The following CDK2AP1 variants were observed in gnomAD, a reference collection of about 807,000 sequenced individuals.
CDK2AP1 encodes the protein cyclin-dependent kinase 2-associated protein 1.
Under a neutral mutation model 14.1 loss-of-function variants are expected in CDK2AP1, and 10 were observed. The ratio of observed to expected loss-of-function variants is 0.71; its 90% CI spans 0.44 to 1.20. The LOEUF (loss-of-function observed/expected upper bound fraction) is 1.20. Ranked by LOEUF, CDK2AP1 falls within the 50% of genes most tolerant of loss-of-function variation. CDK2AP1 has a pLI of 0.00. For missense variants in CDK2AP1, 102 were observed against 149.9 expected (o/e 0.68, Z 1.67); for synonymous variants, 59 against 59.8 (o/e 0.99, Z 0.06).
At chr12:123,268,831 A>C (rs1169360558) in intron 1 of CDK2AP1, among the ~76,000 whole-genome samples, 1 of 152,180 alleles carries the variant, frequency 6.6e-6, no homozygotes, top group African/African-American at 2.4e-5. Context: ...TAACTACATC[A>C]GCCAAACCCC....
chr12:123,267,212 G>T lies in CDK2AP1; in HGVS notation c.126C>A (p.Tyr42Ter). 6.2e-7 allele frequency: 1 copy of T among 1,611,148 alleles called. No individual in the cohort carries two copies. Among genetic ancestry groups the T allele is most frequent in the Non-Finnish European group, 8.5e-7 (1 of 1,177,430 alleles). ...GGGTGTAGCCTAGGGACGGTGGCCC[G>T]TAGTCACTGAGCAGCTGGCGGTACT... The part of the protein sequence containing the change: ...SSQYRQLLSD[Y>*]GPPSLGYTQG... Residue 42 changes from tyrosine to a stop codon, truncating the protein, a stop_gained, in exon 2 of 4, where the codon TAC becomes TAA. Coordinates refer to ENST00000261692, the MANE Select transcript of CDK2AP1 (RefSeq NM_004642.4). LOFTEE classifies it high-confidence loss of function.
intron 1 of CDK2AP1, chr12:123,270,357 T>C (rs2048343367): frequency 5.9e-6 from 1 of 170,280 alleles, no homozygotes; most frequent in East Asian, 1.9e-4. Flanking sequence ...TCCAAGATTT[T>C]TTTTAGGTAT....
chr12:123,266,195 T>C (rs1282055376), intron 2 of CDK2AP1, among the ~76,000 whole-genome samples: 1 of 152,202 alleles, frequency 6.6e-6, no homozygotes, highest in Non-Finnish European at 1.5e-5. Flanking sequence ...CCTCGCGCTC[T>C]GTCCTGTCCT....
chr12:123,270,856 G>A (rs531081876), intron 1 of CDK2AP1: 46 of 985,168 alleles, frequency 4.7e-5, no homozygotes, highest in African/African-American at 4.5e-4. Flanking sequence ...CAGCCCCAGA[G>A]CTGCGCCAAC....
chr12:123,261,637 T>C lies in CDK2AP1; in HGVS notation c.*99A>G. 4 of 1,003,192 alleles carry C rather than the reference T, an allele frequency of 4.0e-6. No individual in the cohort carries two copies. The highest frequency in any genetic ancestry group is 6.3e-6 in the Non-Finnish European group (4 of 637,864). The allele number at this position is 1,003,192 out of a possible 1,614,324, so 62.1% of individuals were successfully genotyped here. On this transcript the variant is annotated 3_prime_UTR_variant, in exon 4 of 4. Coordinates refer to ENST00000261692, the MANE Select transcript of CDK2AP1 (RefSeq NM_004642.4). ...AACCATGGGAGGAAAAACGAAACTGTAACCATTTTGAAAACAAGGGTTTCA... is the reference window on the plus strand; with the variant it reads ...AACCATGGGAGGAAAAACGAAACTGCAACCATTTTGAAAACAAGGGTTTCA...
At chr12:123,268,816 C>A (rs986306479) in intron 1 of CDK2AP1, among the ~76,000 whole-genome samples, 2 of 152,202 alleles carry the variant, frequency 1.3e-5, no homozygotes, top group Non-Finnish European at 2.9e-5. Context: ...TCCCCCAGAG[C>A]CCCCTAACTA....
chr12:123,271,541 C>T, intron 1 of CDK2AP1, 23 bp downstream of exon 1: 1 of 996,394 alleles, frequency 1.0e-6, no homozygotes, highest in East Asian at 1.1e-4. Context: ...GCGCTTGGGG[C>T]GCGTCGCACG....
rs1715088101 is a variant in CDK2AP1 at position 123,271,639 on chromosome 12, CCGGGCGCGG to C, written c.-30_-22del. The C allele has an allele frequency of 7.2e-6, 7 of 974,358 alleles. No homozygotes were observed. The highest frequency in any genetic ancestry group is 8.5e-6 in the Non-Finnish European group (7 of 821,912). 60.4% of individuals were successfully genotyped at this position (974,358 alleles called of 1,614,324 possible). A position where few individuals can be genotyped will look rare whatever the true frequency, so the allele number is the denominator to read the frequency against. ...GACATCCCCCCGGGCGGCGGGCGCG[CCGGGCGCGG>C]CGGGGCCAGGCCGCGAGGGCGGCGG... On this transcript the variant is annotated 5_prime_UTR_variant, in exon 1 of 4. Transcript: ENST00000261692.
At chr12:123,270,792 C>T (rs2048346860) in intron 1 of CDK2AP1, 3 of 977,228 alleles carry the variant, frequency 3.1e-6, no homozygotes, top group South Asian at 9.5e-5. Flanking sequence ...TTGGGGGCTC[C>T]CAGATGGGGC....
intron 1 of CDK2AP1, chr12:123,271,093 T>TCCTGGCCCTGCCCGCAGCGCCC: frequency 2.2e-6 from 2 of 891,360 alleles, no homozygotes; most frequent in Non-Finnish European, 2.7e-6. Flanking sequence ...CCCGCGCGGG[T>TCCTGGCCCTGCCCGCAGCGCCC]CCTGGCCCTG....
chr12:123,265,570 C>T lies in CDK2AP1; in HGVS notation c.154-248G>A, dbSNP rs1483396249. The stretch of plus-strand genomic sequence containing the variant: ...GCCACAGGCAGGTGGGTGGAGAGGG[C>T]CCCGGGCCGGTCAGGATAGGGAACG... On this transcript the variant is annotated intron_variant, in intron 2 of 3. Transcript: ENST00000261692. The surrounding 1 kb of genome is among the most constrained non-coding windows in gnomAD (Gnocchi z 5.3). Among the ~76,000 whole-genome samples the T allele has an allele frequency of 6.6e-6, 1 of 151,800 alleles. No individual in the cohort carries two copies. The highest frequency in any genetic ancestry group is 2.4e-5 in the African/African-American group (1 of 41,290).
At chr12:123,269,612 C>T (rs915450866) in intron 1 of CDK2AP1, among the ~76,000 whole-genome samples, 1 of 152,174 alleles carries the variant, frequency 6.6e-6, no homozygotes, top group Non-Finnish European at 1.5e-5. Flanking sequence ...TCCCCACCCC[C>T]ACGCCAGACA....
chr12:123,261,681 A>ACTGTAAC lies in CDK2AP1; in HGVS notation c.*48_*54dup. 1 of 1,421,946 alleles carries ACTGTAAC rather than the reference A, an allele frequency of 7.0e-7. No individual in the cohort carries two copies. The highest frequency in any genetic ancestry group is 1.1e-5 in the South Asian group (1 of 87,232). The allele number at this position is 1,421,946 out of a possible 1,614,324, so 88.1% of individuals were successfully genotyped here. On this transcript the variant is annotated 3_prime_UTR_variant, in exon 4 of 4. Coordinates refer to ENST00000261692, the MANE Select transcript of CDK2AP1 (RefSeq NM_004642.4). ...GGTTTCATCTGAACAGGGGAGATGA[A>ACTGTAAC]CTGTAACTTCTCATCTTGTAAAAAG...
intron 2 of CDK2AP1, among the ~76,000 whole-genome samples, chr12:123,266,700 G>C (rs754884081): frequency 2.0e-5 from 3 of 152,230 alleles, no homozygotes; most frequent in Non-Finnish European, 4.4e-5. Flanking sequence ...GGTGGAACCA[G>C]GGAGCGGCCT....
chr12:123,265,058 G>C lies in CDK2AP1; in HGVS notation c.280+138C>G. ...CCTGCCTGAGGCCTCCACCACAGACGGCAACTCTGTAACAAGACAGGAGCT... is the reference window on the plus strand; with the variant it reads ...CCTGCCTGAGGCCTCCACCACAGACCGCAACTCTGTAACAAGACAGGAGCT... On this transcript the variant is annotated intron_variant, in intron 3 of 3. Transcript: ENST00000261692. The surrounding 1 kb of genome is among the most constrained non-coding windows in gnomAD (Gnocchi z 5.3). 8.1e-7 allele frequency: 1 copy of C among 1,234,576 alleles called. No individual in the cohort carries two copies. The highest frequency in any genetic ancestry group is 2.3e-5 in the East Asian group (1 of 42,652). 76.5% of individuals were successfully genotyped at this position (1,234,576 alleles called of 1,614,324 possible).
At chr12:123,266,708 C>G (rs1451929746) in intron 2 of CDK2AP1, among the ~76,000 whole-genome samples, 1 of 152,190 alleles carries the variant, frequency 6.6e-6, no homozygotes, top group South Asian at 2.1e-4. Context: ...CAGGGAGCGG[C>G]CTCGCCCAGG....
At chr12:123,268,204 C>A (rs920485790) in intron 1 of CDK2AP1, 2 of 985,700 alleles carry the variant, frequency 2.0e-6, no homozygotes, top group Non-Finnish European at 2.4e-6. Flanking sequence ...CTGCCGCCCC[C>A]AGAGCCACAC....
intron 3 of CDK2AP1, chr12:123,262,015 C>T (rs556291451): frequency 2.2e-6 from 1 of 454,944 alleles, no homozygotes; most frequent in African/African-American, 2.0e-5. Flanking sequence ...CACAACTCTT[C>T]CTGTCTCTCT....
At chr12:123,270,217 G>A (rs1265338322) in intron 1 of CDK2AP1, 1 of 984,040 alleles carries the variant, frequency 1.0e-6, no homozygotes, top group Admixed American at 6.2e-5. Context: ...GCGGACCCCA[G>A]AGGAGGTGAG....
Sources: gnomAD v4.1 joint callset for allele counts (sites outside exome capture counted in the v4.1 genomes callset) on GRCh38, gnomAD v4.1.1 for gene constraint, Gnocchi (gnomAD v3.1) non-coding constraint, MANE v1.5 for transcripts, NCBI Gene and HGNC (gene_info 2026-07-23, HGNC 2026-07-21) for gene names.